Variants in DAAM1 observed in about 807,000 individuals in gnomAD.
DAAM1 encodes the protein disheveled-associated activator of morphogenesis 1.
A neutral mutation model predicts 130.0 loss-of-function variants in DAAM1; 52 were observed. That is an observed-to-expected ratio of 0.40 (90% confidence interval 0.32 to 0.50). DAAM1 has a LOEUF of 0.50. Among genes scored for constraint, DAAM1 ranks in the 20% least tolerant of loss-of-function variants. The pLI is 0.61. For synonymous variants in DAAM1, 452 were observed against 444.5 expected (o/e 1.02, Z -0.21); for missense variants, 1,134 against 1,303.8 (o/e 0.87, Z 2.01).
chr14:59,337,356 C>T (rs939525377), intron 15 of DAAM1, among the ~76,000 whole-genome samples: 2 of 152,122 alleles, frequency 1.3e-5, no homozygotes, highest in African/African-American at 4.8e-5. Flanking sequence ...GCAGTCCCCC[C>T]TTGTATGGCT....
At chr14:59,215,551 AAAGGCCTGCACCAGGCCG>A (rs908113975) in intron 1 of DAAM1, among the ~76,000 whole-genome samples, 6 of 152,214 alleles carry the variant, frequency 3.9e-5, no homozygotes, top group Non-Finnish European at 8.8e-5. Flanking sequence ...CAGGCTTGTT[AAAGGCCTGCACCAGGCCG>A]AAGTGTTTGC....
intron 1 of DAAM1, among the ~76,000 whole-genome samples, chr14:59,198,292 G>A (rs192073344): frequency 5.4e-5 from 8 of 148,252 alleles, no homozygotes; most frequent in African/African-American, 1.5e-4. Flanking sequence ...TGCAACCTCC[G>A]CCTCCTGTGT....
At chr14:59,328,248 C>T (rs933328671) in intron 12 of DAAM1, among the ~76,000 whole-genome samples, 2 of 152,192 alleles carry the variant, frequency 1.3e-5, no homozygotes, top group Admixed American at 1.3e-4. Context: ...ACGAGTTCCT[C>T]ATATGTATTC....
intron 23 of DAAM1, among the ~76,000 whole-genome samples, chr14:59,365,224 T>C (rs1886871763): frequency 1.3e-5 from 2 of 152,174 alleles, no homozygotes; most frequent in African/African-American, 4.8e-5. Context: ...TGGTTTTCTT[T>C]AGATTTCTAA....
At chr14:59,193,177 A>T (rs76546098) in intron 1 of DAAM1, among the ~76,000 whole-genome samples, 1 of 152,236 alleles carries the variant, frequency 6.6e-6, no homozygotes, top group African/African-American at 2.4e-5. Context: ...CTTGGAGGTA[A>T]TGTCTGGTTG....
At chr14:59,307,846 C>T (rs17255603) in intron 3 of DAAM1, among the ~76,000 whole-genome samples, 6,843 of 152,174 alleles carry the variant, frequency 0.045, 205 homozygotes, top group Non-Finnish European at 0.073. Context: ...TGACAGCTGG[C>T]GAGTCGAGGT....
chr14:59,198,207 CTTTT>C (rs751141772), intron 1 of DAAM1, among the ~76,000 whole-genome samples: 3 of 133,430 alleles, frequency 2.2e-5, no homozygotes, highest in Admixed American at 1.5e-4. Flanking sequence ...TCTTTTCTTT[CTTTT>C]TTTTTTTTTT....
chr14:59,224,996 CTG>C (rs1888891790), intron 1 of DAAM1, among the ~76,000 whole-genome samples: 1 of 143,096 alleles, frequency 7.0e-6, no homozygotes, highest in Non-Finnish European at 1.5e-5. Context: ...ACCTCTAGGA[CTG>C]TAAGAAATAA....
intron 2 of DAAM1, among the ~76,000 whole-genome samples, chr14:59,286,070 C>T (rs929332670): frequency 1.3e-5 from 2 of 152,070 alleles, no homozygotes; most frequent in Non-Finnish European, 2.9e-5. Context: ...ATACCAATCA[C>T]ACTCTTTGAC....
At chr14:59,221,905 C>T (rs1374000081) in intron 1 of DAAM1, among the ~76,000 whole-genome samples, 1 of 152,182 alleles carries the variant, frequency 6.6e-6, no homozygotes, top group African/African-American at 2.4e-5. Flanking sequence ...TGCCAGTGAC[C>T]CACTAGGCGT....
At chr14:59,246,766 T>C (rs1001892152) in intron 1 of DAAM1, among the ~76,000 whole-genome samples, 3 of 152,174 alleles carry the variant, frequency 2.0e-5, no homozygotes, top group East Asian at 1.9e-4. Context: ...TGAGAAGATA[T>C]ATTATTGTGG....
intron 2 of DAAM1, among the ~76,000 whole-genome samples, chr14:59,275,838 A>G (rs772238432): frequency 5.9e-5 from 9 of 152,222 alleles, no homozygotes; most frequent in Non-Finnish European, 8.8e-5. Context: ...GTATCAAATG[A>G]AAACATGTCT....
chr14:59,318,285 G>T (rs974007279), intron 4 of DAAM1, among the ~76,000 whole-genome samples: 1 of 151,766 alleles, frequency 6.6e-6, no homozygotes, highest in Non-Finnish European at 1.5e-5. Context: ...CGGGAGCTAA[G>T]TTCCAGACTC....
chr14:59,220,885 C>T (rs868455156), intron 1 of DAAM1, among the ~76,000 whole-genome samples: 4 of 152,312 alleles, frequency 2.6e-5, no homozygotes, highest in Admixed American at 1.3e-4. Context: ...GATGCCCACG[C>T]ACATTGGTGA....
At chr14:59,328,232 T>A (rs901093759) in intron 12 of DAAM1, among the ~76,000 whole-genome samples, 2 of 152,240 alleles carry the variant, frequency 1.3e-5, no homozygotes, top group Non-Finnish European at 2.9e-5. Context: ...TAACTACTGT[T>A]ATGTTACGAG....
At chr14:59,193,157 C>A (rs1182171120) in intron 1 of DAAM1, among the ~76,000 whole-genome samples, 1 of 152,260 alleles carries the variant, frequency 6.6e-6, no homozygotes, top group Non-Finnish European at 1.5e-5. Context: ...TTCTCTATTT[C>A]TGTATGTGGC....
intron 1 of DAAM1, among the ~76,000 whole-genome samples, chr14:59,214,591 A>C (rs1888521343): frequency 6.6e-6 from 1 of 152,242 alleles, no homozygotes; most frequent in South Asian, 2.1e-4. Context: ...ATATAAATGA[A>C]GTCATGTAAT....
Position 59,210,680 on chromosome 14 carries a change from T to C in DAAM1, c.-38+21912T>C, listed in dbSNP as rs985655807. ...TAGCTTCTGTCATTTTCTTGCCAGT[T>C]TGCATTTCCTGGAGTTTGCCTTAGT... On this transcript the variant is annotated intron_variant, in intron 1 of 24. Transcript: ENST00000360909. Among the ~76,000 whole-genome samples, 6 of 152,344 alleles carry C rather than the reference T, an allele frequency of 3.9e-5. No individual in the cohort carries two copies. In the East Asian group the frequency reaches 7.7e-4, roughly 20 times the overall value.
At chr14:59,203,678 C>T (rs538135280) in intron 1 of DAAM1, among the ~76,000 whole-genome samples, 91 of 152,284 alleles carry the variant, frequency 6.0e-4, no homozygotes, top group African/African-American at 2.0e-3. Context: ...ATGTTTTTCT[C>T]ATACATCCTA....
Sources: gnomAD v4.1 joint callset for allele counts (sites outside exome capture counted in the v4.1 genomes callset) on GRCh38, gnomAD v4.1.1 for gene constraint, MANE v1.5 for transcripts, NCBI Gene and HGNC (gene_info 2026-07-23, HGNC 2026-07-21) for gene names.